The following C8orf34 variants were observed in gnomAD, a reference collection of about 807,000 sequenced individuals.
C8orf34 encodes the protein chromosome 8 open reading frame 34, also known as uncharacterized protein C8orf34.
Under a neutral mutation model 68.3 loss-of-function variants are expected in C8orf34, and 65 were observed. The observed-to-expected ratio is 0.95, with a 90% CI of 0.78 to 1.17. The LOEUF (loss-of-function observed/expected upper bound fraction) is 1.17, where lower values mean the gene tolerates loss of function less well. Among genes scored for constraint, C8orf34 ranks in the 50% most tolerant of loss-of-function variants. The pLI is 0.00. For synonymous variants in C8orf34, 244 were observed against 241.2 expected (o/e 1.01, Z -0.11); for missense variants, 664 against 655.4 (o/e 1.01, Z -0.14).
At chr8:68,462,024 G>C (rs919940310) in intron 3 of C8orf34, among the ~76,000 whole-genome samples, 2 of 152,156 alleles carry the variant, frequency 1.3e-5, no homozygotes, top group Non-Finnish European at 1.5e-5. Flanking sequence ...AGACCCATCA[G>C]TGTGCTGTAT....
intron 8 of C8orf34, among the ~76,000 whole-genome samples, chr8:68,646,719 C>T (rs1585667414): frequency 6.6e-6 from 1 of 152,088 alleles, no homozygotes; most frequent in Non-Finnish European, 1.5e-5. Context: ...AGATTGTGCA[C>T]TATTTGTCTT....
intron 10 of C8orf34, among the ~76,000 whole-genome samples, chr8:68,739,338 C>A (rs1295859632): frequency 6.6e-6 from 1 of 151,794 alleles, no homozygotes; most frequent in Non-Finnish European, 1.5e-5. Flanking sequence ...CAACGTCATA[C>A]CAAACGGATA....
chr8:68,548,692 G>C (rs1815968319), intron 7 of C8orf34, among the ~76,000 whole-genome samples: 1 of 151,658 alleles, frequency 6.6e-6, no homozygotes, highest in Non-Finnish European at 1.5e-5. Flanking sequence ...CCCAAAAGGT[G>C]ATAAAATATA....
intron 3 of C8orf34, among the ~76,000 whole-genome samples, chr8:68,448,418 C>T (rs1811209711): frequency 6.6e-6 from 1 of 151,980 alleles, no homozygotes; most frequent in African/African-American, 2.4e-5. Flanking sequence ...TAGGGTTATT[C>T]TTTGGAAATA....
intron 7 of C8orf34, among the ~76,000 whole-genome samples, chr8:68,607,133 G>A (rs1233114931): frequency 1.3e-5 from 2 of 152,022 alleles, no homozygotes; most frequent in Non-Finnish European, 2.9e-5. Flanking sequence ...GTCTCCTAAG[G>A]CTTTGTTCAT....
rs555419807 is a variant in C8orf34 at position 68,680,927 on chromosome 8, G to A, written c.1242-28067G>A. 7.2e-5 allele frequency among the ~76,000 whole-genome samples: 11 copies of A among 152,144 alleles called. No homozygotes were observed. In the East Asian group the frequency reaches 1.7e-3, roughly 24 times the overall value. On this transcript the variant is annotated intron_variant, in intron 8 of 13. Coordinates refer to ENST00000518698, the MANE Select transcript of C8orf34 (RefSeq NM_052958.4). ...TAAGACAGACACTCCCAGAGCGGCC[G>A]TGTATAGACCTCCCCCCAGGAATGC... is the stretch of plus-strand genomic sequence containing the variant.
chr8:68,721,383 A>G lies in C8orf34; in HGVS notation c.1350A>G (p.Glu450=). 6.2e-7 allele frequency: 1 copy of G among 1,608,760 alleles called. No individual in the cohort carries two copies. The highest frequency in any genetic ancestry group is 8.5e-7 in the Non-Finnish European group (1 of 1,176,412). Residue 450 remains glutamate, a synonymous_variant, in exon 10 of 14, where the codon GAA becomes GAG. Coordinates refer to ENST00000518698, the MANE Select transcript of C8orf34 (RefSeq NM_052958.4). Reference sequence around the variant, plus strand: ...TAGATTCCTTGCCTGGGACTGAAGAAGCACTAATGGAGGAGGGTGACGAAT... The same window carrying G: ...TAGATTCCTTGCCTGGGACTGAAGAGGCACTAATGGAGGAGGGTGACGAAT... ...DSFDSLPGTE[E]ALMEEGDEFE... is the part of the protein sequence containing the mutation.
chr8:68,481,709 C>T (rs1812867928), intron 4 of C8orf34, among the ~76,000 whole-genome samples: 1 of 152,200 alleles, frequency 6.6e-6, no homozygotes, highest in Non-Finnish European at 1.5e-5. Flanking sequence ...CTTGCATGGA[C>T]CCTGTAAGCC....
At chr8:68,768,672 G>T (rs1487224631) in intron 10 of C8orf34, among the ~76,000 whole-genome samples, 1 of 152,118 alleles carries the variant, frequency 6.6e-6, no homozygotes, top group Non-Finnish European at 1.5e-5. Context: ...TAGGGATACT[G>T]AAAACAAATT....
intron 7 of C8orf34, among the ~76,000 whole-genome samples, chr8:68,573,740 C>T (rs1217300799): frequency 6.6e-6 from 1 of 152,052 alleles, no homozygotes; most frequent in Non-Finnish European, 1.5e-5. Flanking sequence ...AATGTGAATT[C>T]CCCTGGAATT....
In C8orf34 at chr8:68,580,629, G is replaced by C. The variant is rs1471285633; in HGVS notation, c.1105+47480G>C. Among the ~76,000 whole-genome samples the C allele has an allele frequency of 2.0e-5, 3 of 152,216 alleles. No homozygotes were observed. In the East Asian group the frequency reaches 5.8e-4, roughly 29 times the overall value. Reference sequence around the variant, plus strand: ...AAGTGGTAGAAAATTCTAGTTGTTAGCTTCTGTCTACAAGTATAATCAATG... The same window carrying C: ...AAGTGGTAGAAAATTCTAGTTGTTACCTTCTGTCTACAAGTATAATCAATG... On this transcript the variant is annotated intron_variant, in intron 7 of 13. Coordinates refer to ENST00000518698, the MANE Select transcript of C8orf34 (RefSeq NM_052958.4).
intron 8 of C8orf34, among the ~76,000 whole-genome samples, chr8:68,686,369 T>G (rs1445000547): frequency 6.6e-6 from 1 of 152,030 alleles, no homozygotes; most frequent in African/African-American, 2.4e-5. Context: ...TGAACATAGA[T>G]GCAAAAATCC....
intron 5 of C8orf34, among the ~76,000 whole-genome samples, chr8:68,511,780 G>A (rs1401268243): frequency 6.6e-6 from 1 of 152,088 alleles, no homozygotes; most frequent in East Asian, 1.9e-4. Context: ...AAACAAACAT[G>A]CTCCAAATTT....
chr8:68,420,508 C>T (rs1430128165), intron 1 of C8orf34, among the ~76,000 whole-genome samples: 2 of 151,730 alleles, frequency 1.3e-5, no homozygotes, highest in South Asian at 2.1e-4. Context: ...TTCCCCAAAA[C>T]TAATTATGAA....
intron 10 of C8orf34, among the ~76,000 whole-genome samples, chr8:68,748,469 A>AT (rs1309368176): frequency 6.6e-6 from 1 of 150,786 alleles, no homozygotes; most frequent in Non-Finnish European, 1.5e-5. Flanking sequence ...ATGGGAGAAA[A>AT]TTTTTGCAAC....
At chr8:68,536,422 T>A (rs1438068859) in intron 7 of C8orf34, among the ~76,000 whole-genome samples, 1 of 151,048 alleles carries the variant, frequency 6.6e-6, no homozygotes, top group Non-Finnish European at 1.5e-5. Flanking sequence ...CCTGTATATT[T>A]TACTACATTA....
At chr8:68,345,727 A>T in intron 1 of C8orf34, among the ~76,000 whole-genome samples, 1 of 152,114 alleles carries the variant, frequency 6.6e-6, no homozygotes, top group East Asian at 1.9e-4. Context: ...GTGTATTTAT[A>T]CATATATACA....
intron 10 of C8orf34, among the ~76,000 whole-genome samples, chr8:68,743,508 G>A (rs1271304268): frequency 1.3e-5 from 2 of 152,134 alleles, no homozygotes; most frequent in Non-Finnish European, 2.9e-5. Context: ...GTGGGTGGGT[G>A]CAGGTCAGTG....
chr8:68,756,503 G>C (rs769724964), intron 10 of C8orf34, among the ~76,000 whole-genome samples: 1 of 152,118 alleles, frequency 6.6e-6, no homozygotes, highest in African/African-American at 2.4e-5. Flanking sequence ...TAACGGGTAG[G>C]GGGTGGGAGG....
Sources: allele counts gnomAD v4.1 joint callset (sites outside exome capture counted in the v4.1 genomes callset), GRCh38; gene constraint gnomAD v4.1.1; transcripts MANE v1.5; gene names NCBI Gene and HGNC (gene_info 2026-07-23, HGNC 2026-07-21).